The following FAM13A variants were observed in gnomAD, a reference collection of about 807,000 sequenced individuals.
The protein encoded by FAM13A is family with sequence similarity 13 member A, also known as protein FAM13A.
A neutral mutation model predicts 129.6 loss-of-function variants in FAM13A; 76 were observed. The ratio of observed to expected loss-of-function variants is 0.59; its 90% CI spans 0.49 to 0.71. The LOEUF (loss-of-function observed/expected upper bound fraction) is 0.71, where lower values mean the gene tolerates loss of function less well. FAM13A is among the 30% of genes least tolerant of loss of function. The probability of loss-of-function intolerance (pLI) is 0.00; values close to 1 mark genes in which losing one functional copy is unlikely to be tolerated. For missense variants in FAM13A, 1,108 were observed against 1,249.3 expected (o/e 0.89, Z 1.70); for synonymous variants, 443 against 449.9 (o/e 0.98, Z 0.20).
At chr4:88,729,419 A>G (rs1162777171) in intron 23 of FAM13A, 1 of 152,252 alleles carries the variant, frequency 6.6e-6, no homozygotes, top group Non-Finnish European at 1.5e-5. Flanking sequence ...CACATGGCAA[A>G]CATTCAACCA....
intron 7 of FAM13A, among the ~76,000 whole-genome samples, chr4:88,824,074 T>C (rs1188265408): frequency 6.6e-6 from 1 of 152,210 alleles, no homozygotes; most frequent in Non-Finnish European, 1.5e-5. Flanking sequence ...AATTATCACC[T>C]TCCCCTTATA....
At chr4:88,928,921 TATC>T (rs1752629568) in intron 5 of FAM13A, among the ~76,000 whole-genome samples, 1 of 152,176 alleles carries the variant, frequency 6.6e-6, no homozygotes, top group Admixed American at 6.6e-5. Context: ...TTGATGAAAT[TATC>T]ATGTTGTCAT....
chr4:89,044,567 C>T (rs1770591735), intron 1 of FAM13A, among the ~76,000 whole-genome samples: 1 of 152,164 alleles, frequency 6.6e-6, no homozygotes, highest in Admixed American at 6.5e-5. Flanking sequence ...TCCAATGATT[C>T]CCCTTCTGGG....
At chr4:89,040,288 G>A (rs1262077769) in intron 1 of FAM13A, among the ~76,000 whole-genome samples, 1 of 152,122 alleles carries the variant, frequency 6.6e-6, no homozygotes, top group African/African-American at 2.4e-5. Flanking sequence ...ACGGAATGCT[G>A]ACTTTTAAAT....
chr4:88,818,868 A>T (rs1249506688), intron 7 of FAM13A, among the ~76,000 whole-genome samples: 2 of 152,180 alleles, frequency 1.3e-5, no homozygotes, highest in African/African-American at 4.8e-5. Context: ...CTAACACCAC[A>T]CAGAAACTCA....
At chr4:89,014,955 A>C (rs1467536541) in intron 3 of FAM13A, among the ~76,000 whole-genome samples, 2 of 152,232 alleles carry the variant, frequency 1.3e-5, no homozygotes, top group African/African-American at 2.4e-5. Flanking sequence ...TTTCGAAAGC[A>C]ATAGGAGAAA....
chr4:88,835,979 T>A (rs1044089740), intron 7 of FAM13A, among the ~76,000 whole-genome samples: 5 of 151,928 alleles, frequency 3.3e-5, no homozygotes, highest in Admixed American at 2.0e-4. Flanking sequence ...TTGAAGCATC[T>A]GTCATCCATC....
chr4:88,928,813 T>C (rs930491624), intron 5 of FAM13A, among the ~76,000 whole-genome samples: 5 of 152,194 alleles, frequency 3.3e-5, no homozygotes, highest in South Asian at 4.1e-4. Flanking sequence ...TCAAGGTTAA[T>C]ATTTATATGT....
Position 89,019,330 on chromosome 4 carries a change from T to C in FAM13A, c.427+1130A>G, listed in dbSNP as rs139521372. On this transcript the variant is annotated intron_variant, in intron 3 of 23. Transcript: ENST00000264344. ...CCCTTAATCTGGCAACGAATACTTT[T>C]GGAAATATATTTTCTTCTTTCTTCT... Among the ~76,000 whole-genome samples, 963 of 152,318 alleles carry C rather than the reference T, an allele frequency of 6.3e-3. 4 individuals carry two copies. Among genetic ancestry groups the C allele is most frequent in the Non-Finnish European group, 7.2e-3 (490 of 68,022 alleles).
intron 1 of FAM13A, among the ~76,000 whole-genome samples, chr4:89,030,216 C>A (rs933553545): frequency 6.6e-6 from 1 of 151,818 alleles, no homozygotes; most frequent in Non-Finnish European, 1.5e-5. Context: ...GTTCAAAATG[C>A]CCTCAAATCT....
At chr4:88,830,321 A>C (rs1578856635) in intron 7 of FAM13A, among the ~76,000 whole-genome samples, 4 of 152,334 alleles carry the variant, frequency 2.6e-5, no homozygotes, top group Admixed American at 2.6e-4. Context: ...GTATTTCTTA[A>C]GGAATAATTA....
intron 4 of FAM13A, among the ~76,000 whole-genome samples, chr4:88,945,990 G>GTATGTATGTATGTGTGTATATATATATA (rs1553901196): frequency 2.1e-4 from 13 of 61,910 alleles, no homozygotes; most frequent in African/African-American, 1.0e-3. Flanking sequence ...GTGTGTGTGT[G>GTATGTATGTATGTGTGTATATATATATA]TATATATATA....
chr4:88,773,192 T>G (rs1367631382), intron 11 of FAM13A, among the ~76,000 whole-genome samples: 1 of 152,216 alleles, frequency 6.6e-6, no homozygotes, highest in Non-Finnish European at 1.5e-5. Context: ...TCTTCTCCTC[T>G]CTATTGGCTT....
At chr4:88,825,825 A>AT (rs1561097164) in intron 7 of FAM13A, among the ~76,000 whole-genome samples, 2 of 139,206 alleles carry the variant, frequency 1.4e-5, no homozygotes, top group Non-Finnish European at 3.2e-5. Flanking sequence ...TAAAATGTCA[A>AT]TTTTTTTAAA....
chr4:89,036,018 G>A (rs1430550990), intron 1 of FAM13A, among the ~76,000 whole-genome samples: 1 of 152,184 alleles, frequency 6.6e-6, no homozygotes, highest in Non-Finnish European at 1.5e-5. Flanking sequence ...TACAGCAAAT[G>A]TGGTACCTAG....
chr4:88,968,298 C>A (rs1437365313), intron 4 of FAM13A, among the ~76,000 whole-genome samples: 2 of 152,246 alleles, frequency 1.3e-5, no homozygotes, highest in East Asian at 1.9e-4. Context: ...TCAGAACACA[C>A]CTTCTAAAGT....
Position 89,020,559 on chromosome 4 carries a change from C to T in FAM13A, c.328G>A (p.Val110Ile), listed in dbSNP as rs1191682477. Reference sequence around the variant, plus strand: ...TTCAACAGACTGGCTGCTGAGCAGACATCACCGTCCTTCCCGAGCTCCACG... The same window carrying T: ...TTCAACAGACTGGCTGCTGAGCAGATATCACCGTCCTTCCCGAGCTCCACG... Reference protein sequence around the residue: ...VPVELGKDGDVCSAASLLKLF... With the variant: ...VPVELGKDGDICSAASLLKLF... Residue 110 changes from valine (V) to isoleucine (I), a missense_variant, in exon 3 of 24, where the codon GTC becomes ATC. By Grantham distance (29) the Val-to-Ile change is conservative. Transcript: ENST00000264344. 2 of 1,614,094 alleles carry T rather than the reference C, an allele frequency of 1.2e-6. No individual in the cohort carries two copies. The highest frequency in any genetic ancestry group is 2.2e-5 in the East Asian group (1 of 44,878).
chr4:88,873,726 G>A (rs980129793), intron 6 of FAM13A, among the ~76,000 whole-genome samples: 1 of 152,102 alleles, frequency 6.6e-6, no homozygotes, highest in Non-Finnish European at 1.5e-5. Flanking sequence ...AGAGGAGCTG[G>A]TACCATTCCT....
chr4:88,753,900 T>G (rs778190137), intron 14 of FAM13A, among the ~76,000 whole-genome samples: 8 of 152,208 alleles, frequency 5.3e-5, no homozygotes, highest in Non-Finnish European at 8.8e-5. Context: ...TGAGGATGTA[T>G]TCACCGACCA....
Sources: gnomAD v4.1 joint callset for allele counts (sites outside exome capture counted in the v4.1 genomes callset) on GRCh38, gnomAD v4.1.1 for gene constraint, MANE v1.5 for transcripts, NCBI Gene and HGNC (gene_info 2026-07-23, HGNC 2026-07-21) for gene names.